Variants in CUL9 observed in about 807,000 individuals in gnomAD.
CUL9 encodes cullin 9, also known as cullin-9.
A neutral mutation model predicts 272.6 loss-of-function variants in CUL9; 79 were observed. The ratio of observed to expected loss-of-function variants is 0.29; its 90% CI spans 0.24 to 0.35. The LOEUF (loss-of-function observed/expected upper bound fraction) is 0.35, where lower values mean the gene tolerates loss of function less well. CUL9 is among the 10% of genes least tolerant of loss of function. The probability of loss-of-function intolerance (pLI) is 1.00; values close to 1 mark genes in which losing one functional copy is unlikely to be tolerated. For missense variants in CUL9, 2,532 were observed against 3,255.6 expected, an observed-to-expected ratio of 0.78 and a Z score of 5.41; for synonymous variants, 1,186 against 1,286.5, an observed-to-expected ratio of 0.92 and a Z score of 1.67.
chr6:43,221,620 C>A lies in CUL9; in HGVS notation c.6753-65C>A. 1.4e-6 allele frequency: 2 copies of A among 1,461,890 alleles called. No individual in the cohort carries two copies. The allele number at this position is 1,461,890 out of a possible 1,614,324, so 90.6% of individuals were successfully genotyped here. A position where few individuals can be genotyped will look rare whatever the true frequency, so the allele number is the denominator to read the frequency against. On this transcript the variant is annotated intron_variant, in intron 34 of 40. Transcript: ENST00000252050. The surrounding 1 kb of genome is among the most constrained non-coding windows in gnomAD (Gnocchi z 4.2). Reference sequence around the variant, plus strand: ...GCATCAACAGCGGTACATCTGGGCCCTTGGCATTCCTGGCACACCCCTGCC... The same window carrying A: ...GCATCAACAGCGGTACATCTGGGCCATTGGCATTCCTGGCACACCCCTGCC...
intron 10 of CUL9, 43 bp downstream of exon 10, chr6:43,196,308 C>G (rs1256295843): frequency 1.3e-6 from 2 of 1,557,678 alleles, no homozygotes. Flanking sequence ...TGCTTAGTCC[C>G]AAACCCTGCT....
rs750284170 is a variant in CUL9 at position 43,203,879 on chromosome 6, C to G, written c.4051C>G (p.Gln1351Glu). The change falls in exon 20 of 41, where the codon CAG becomes GAG. Residue 1351 changes from glutamine to glutamate, a missense_variant. By Grantham distance (29) the Gln-to-Glu change is conservative. Coordinates refer to ENST00000252050, the MANE Select transcript of CUL9 (RefSeq NM_015089.4). The surrounding 1 kb of genome is among the most constrained non-coding windows in gnomAD (Gnocchi z 5.0). ...ACTGAACAGGGTTTTGCGCCACGAGCAGAATTTTGCTGACCGCTTCCTCCC... is the reference window on the plus strand; with the variant it reads ...ACTGAACAGGGTTTTGCGCCACGAGGAGAATTTTGCTGACCGCTTCCTCCC... ...PRLNRVLRHE[Q>E]NFADRFLPDD... 6.2e-7 allele frequency: 1 copy of G among 1,612,942 alleles called. No homozygotes were observed.
Position 43,199,804 on chromosome 6 carries a change from T to A in CUL9, c.3157-125T>A, listed in dbSNP as rs1346205473. 6.6e-6 allele frequency: 5 copies of A among 757,446 alleles called. No individual in the cohort carries two copies. In the East Asian group the frequency reaches 1.3e-4, roughly 19 times the overall value. The allele number at this position is 757,446 out of a possible 1,614,324, so 46.9% of individuals were successfully genotyped here. ...CCACCCTGAATTTGGTACTCTTGTT[T>A]CCCTGGGCGTTGGCATGTCTCCACA... On this transcript the variant is annotated intron_variant, in intron 13 of 40. Transcript: ENST00000252050. This position sits in a 1 kb window ranked among gnomAD's most constrained non-coding sequence, Gnocchi z 4.4.
Position 43,220,486 on chromosome 6 carries a change from C to G in CUL9, c.6310C>G (p.Arg2104Gly). 1 of 1,614,140 alleles carries G rather than the reference C, an allele frequency of 6.2e-7. No individual in the cohort carries two copies. The highest frequency in any genetic ancestry group is 8.5e-7 in the Non-Finnish European group (1 of 1,180,008). The change falls in exon 32 of 41, where the codon CGG becomes GGG. Residue 2104 changes from arginine (R) to glycine (G), a missense_variant. Arg to Gly is a moderately radical substitution (Grantham distance 125, BLOSUM62 -2). Transcript: ENST00000252050. The surrounding 1 kb of genome is among the most constrained non-coding windows in gnomAD (Gnocchi z 4.9). ...KSCWNEYLTTRIEQNLVLNCT... is the reference protein window; with the variant it reads ...KSCWNEYLTTGIEQNLVLNCT... Reference sequence around the variant, plus strand: ...TTGCTGGAATGAGTACCTGACAACTCGGATCGAGCAGAACCTTGTTTTGAA... The same window carrying G: ...TTGCTGGAATGAGTACCTGACAACTGGGATCGAGCAGAACCTTGTTTTGAA...
chr6:43,215,342 G>T lies in CUL9; in HGVS notation c.5936+16G>T. On this transcript the variant is annotated intron_variant, in intron 30 of 40. Coordinates refer to ENST00000252050, the MANE Select transcript of CUL9 (RefSeq NM_015089.4). ...CCAAGCCCAGGTAGCCACTGCACCT[G>T]ACCCCTTGCAGTGAGGCGGGAGAGG... is the stretch of plus-strand genomic sequence containing the variant. 1 of 1,592,596 alleles carries T rather than the reference G, an allele frequency of 6.3e-7. No individual in the cohort carries two copies. Among genetic ancestry groups the T allele is most frequent in the South Asian group, 1.1e-5 (1 of 88,902 alleles).
intron 8 of CUL9, among the ~76,000 whole-genome samples, chr6:43,191,582 A>G (rs1308601821): frequency 6.7e-6 from 1 of 149,288 alleles, no homozygotes; most frequent in Non-Finnish European, 1.5e-5. Context: ...GGCCTCAGTC[A>G]ATAATTAATT....
chr6:43,193,539 G>T (rs1582319561), intron 9 of CUL9, among the ~76,000 whole-genome samples: 1 of 152,108 alleles, frequency 6.6e-6, no homozygotes. Context: ...AGGCCAGGAG[G>T]TTTTTTGTTT....
In CUL9 at chr6:43,224,543, G is replaced by C; in HGVS notation, c.*98G>C. ...ATAGGGAGGGGGATTCCCAGCGTCT[G>C]TAGTGCTTCCTGTTTGCTGAATAAA... On this transcript the variant is annotated 3_prime_UTR_variant, in exon 41 of 41. Transcript: ENST00000252050. This position sits in a 1 kb window ranked among gnomAD's most constrained non-coding sequence, Gnocchi z 4.2. The C allele has an allele frequency of 1.8e-6, 2 of 1,138,406 alleles. No homozygotes were observed. Among genetic ancestry groups the C allele is most frequent in the Non-Finnish European group, 2.5e-6 (2 of 808,464 alleles). 70.5% of individuals were successfully genotyped at this position (1,138,406 alleles called of 1,614,324 possible).
intron 2 of CUL9, 109 bp from the exon 3 acceptor site, chr6:43,185,347 C>A: frequency 1.9e-6 from 2 of 1,080,222 alleles, no homozygotes; most frequent in Non-Finnish European, 2.7e-6. Context: ...TTTCTGTGAG[C>A]CTTAGTAACA....
Position 43,184,230 on chromosome 6 carries a change from C to G in CUL9, c.-9-72C>G. 3 of 1,216,942 alleles carry G rather than the reference C, an allele frequency of 2.5e-6. No homozygotes were observed. The highest frequency in any genetic ancestry group is 2.0e-5 in the South Asian group (1 of 49,804). 75.4% of individuals were successfully genotyped at this position (1,216,942 alleles called of 1,614,324 possible). A position where few individuals can be genotyped will look rare whatever the true frequency, so the allele number is the denominator to read the frequency against. On this transcript the variant is annotated intron_variant, in intron 1 of 40. Transcript: ENST00000252050. The surrounding 1 kb of genome is among the most constrained non-coding windows in gnomAD (Gnocchi z 4.8). ...ATCACCACCCACCTTCTCTGTGTCT[C>G]AAGATTCCACCCCCTCCATGTATTT...
rs372605344 is a variant in CUL9, at chr6:43,203,082, T to C, written c.3754-27T>C. The C allele has an allele frequency of 8.7e-4, 1,406 of 1,610,764 alleles. No individual in the cohort carries two copies. Among genetic ancestry groups the C allele is most frequent in the Non-Finnish European group, 1.1e-3 (1,283 of 1,178,522 alleles). Reference sequence around the variant, plus strand: ...ACCTTGTTTCTGGAGGTGACAGTTCTCTCCCTCTTCTCCCCTGCCCTACCA... The same window carrying C: ...ACCTTGTTTCTGGAGGTGACAGTTCCCTCCCTCTTCTCCCCTGCCCTACCA... On this transcript the variant is annotated intron_variant, in intron 17 of 40. Transcript: ENST00000252050. This position sits in a 1 kb window ranked among gnomAD's most constrained non-coding sequence, Gnocchi z 5.0.
rs148355433 is a variant in CUL9, at chr6:43,199,940, G to A, written c.3168G>A (p.Glu1056=). The change falls in exon 14 of 41, where the codon GAG becomes GAA. Residue 1056 remains glutamate, a synonymous_variant. Transcript: ENST00000252050. The surrounding 1 kb of genome is among the most constrained non-coding windows in gnomAD (Gnocchi z 4.4). The part of the protein sequence containing the change: ...GPSSDSEIVQ[E]LTCFLHRLAS... The stretch of plus-strand genomic sequence containing the variant: ...GGCTCTGGGCTCAGATTGTTCAGGA[G>A]CTGACCTGCTTCCTACATCGCCTGG... 1.4e-5 allele frequency: 22 copies of A among 1,613,822 alleles called. No homozygotes were observed. The African/African-American group carries it at 2.5e-4, about 19-fold the overall frequency.
chr6:43,188,638 G>T lies in CUL9; in HGVS notation c.2103G>T (p.Gly701=). ...SSLDTNLQLS[G]LSALSQAVEE... is the part of the protein sequence containing the mutation. ...TGGACACAAACCTGCAGCTTTCAGGGCTCTCTGCCCTCTCTCAGGCTGTGG... is the reference window on the plus strand; with the variant it reads ...TGGACACAAACCTGCAGCTTTCAGGTCTCTCTGCCCTCTCTCAGGCTGTGG... The change falls in exon 8 of 41, where the codon GGG becomes GGT. Residue 701 remains glycine (G), a synonymous_variant. Transcript: ENST00000252050. 1 of 1,614,196 alleles carries T rather than the reference G, an allele frequency of 6.2e-7. No homozygotes were observed. The highest frequency in any genetic ancestry group is 8.5e-7 in the Non-Finnish European group (1 of 1,180,044).
Position 43,220,760 on chromosome 6 carries a change from T to A in CUL9, c.6437T>A (p.Leu2146His). 1 of 1,612,818 alleles carries A rather than the reference T, an allele frequency of 6.2e-7. No homozygotes were observed. Among genetic ancestry groups the A allele is most frequent in the East Asian group, 2.2e-5 (1 of 44,868 alleles). Residue 2146 changes from leucine to histidine, a missense_variant, in exon 33 of 41, where the codon CTC becomes CAC. Transcript: ENST00000252050. This position sits in a 1 kb window ranked among gnomAD's most constrained non-coding sequence, Gnocchi z 4.9. Reference sequence around the variant, plus strand: ...GCGTCTCCACAGTATGAGAAGGCGCTCCTGCGTGGCTATGTGGAGAGCTGC... The same window carrying A: ...GCGTCTCCACAGTATGAGAAGGCGCACCTGCGTGGCTATGTGGAGAGCTGC... ...PEVISKYEKA[L>H]LRGYVESCSN... is the part of the protein sequence containing the mutation.
At chr6:43,198,354 T>C (rs1227892967) in intron 11 of CUL9, 4 of 978,346 alleles carry the variant, frequency 4.1e-6, no homozygotes, top group Non-Finnish European at 4.9e-6. Flanking sequence ...CATTTAATAA[T>C]AGGACTATAA....
chr6:43,205,181 C>A (rs1415291583), intron 23 of CUL9, 66 bp downstream of exon 23: 2 of 1,584,426 alleles, frequency 1.3e-6, no homozygotes, highest in African/African-American at 2.7e-5. Context: ...TTCTGCTCTG[C>A]CCTTTCACCT....
intron 35 of CUL9, 74 bp from the exon 36 acceptor site, chr6:43,222,241 GT>G: frequency 8.2e-7 from 1 of 1,218,266 alleles, no homozygotes; most frequent in South Asian, 1.2e-5. Context: ...CTCCGTGAAT[GT>G]TGGCTTTTCC....
Position 43,200,377 on chromosome 6 carries a change from G to C in CUL9, c.3385-59G>C, listed in dbSNP as rs1774411171. The C allele has an allele frequency of 6.2e-7, 1 of 1,613,264 alleles. No homozygotes were observed. The highest frequency in any genetic ancestry group is 1.3e-5 in the African/African-American group (1 of 74,852). On this transcript the variant is annotated intron_variant, in intron 14 of 40. Coordinates refer to ENST00000252050, the MANE Select transcript of CUL9 (RefSeq NM_015089.4). This position sits in a 1 kb window ranked among gnomAD's most constrained non-coding sequence, Gnocchi z 4.0. ...ACTTTTTCTCTCTACCTGTTTCTGG[G>C]CATTTCTCTGTGTTCCTCCCTCTCC...
intron 8 of CUL9, among the ~76,000 whole-genome samples, chr6:43,190,941 C>T (rs965865430): frequency 6.6e-6 from 1 of 152,056 alleles, no homozygotes; most frequent in African/African-American, 2.4e-5. Flanking sequence ...TCCACTGGCC[C>T]CTTTCTCTAG....
Sources: gnomAD v4.1 joint callset for allele counts (sites outside exome capture counted in the v4.1 genomes callset) on GRCh38, gnomAD v4.1.1 for gene constraint, Gnocchi (gnomAD v3.1) non-coding constraint, MANE v1.5 for transcripts, NCBI Gene and HGNC (gene_info 2026-07-23, HGNC 2026-07-21) for gene names.